DNAH17: variants seen among roughly 807,000 people sequenced by gnomAD.
The protein encoded by DNAH17 is axonemal beta dynein heavy chain 17.
A neutral mutation model predicts 485.6 loss-of-function variants in DNAH17; 376 were observed. The ratio of observed to expected loss-of-function variants is 0.77; its 90% confidence interval spans 0.71 to 0.84. DNAH17 has a LOEUF of 0.84. Among genes scored for constraint, DNAH17 ranks in the 40% least tolerant of loss-of-function variants. The pLI is 0.00. For missense variants in DNAH17, 6,370 were observed against 5,839.3 expected, an observed-to-expected ratio of 1.09 and a Z score of -2.96; for synonymous variants, 3,031 against 2,405.9, an observed-to-expected ratio of 1.26 and a Z score of -7.60.
At chr17:78,454,023 G>A in intron 64 of DNAH17, among the ~76,000 whole-genome samples, 1 of 152,148 alleles carries the variant, frequency 6.6e-6, no homozygotes, top group Non-Finnish European at 1.5e-5. Flanking sequence ...GCAGCTTTGA[G>A]TAGCTTTATG....
chr17:78,525,209 T>C lies in DNAH17; in HGVS notation c.3712-48A>G, dbSNP rs62075877. On this transcript the variant is annotated intron_variant, in intron 24 of 80. Transcript: ENST00000389840. Reference sequence around the variant, plus strand: ...CAGTAGGGCTACCTACCCTCAGCGGTGCCCCACCCCACTCCCCGACGTTCT... The same window carrying C: ...CAGTAGGGCTACCTACCCTCAGCGGCGCCCCACCCCACTCCCCGACGTTCT... The C allele has an allele frequency of 0.23, 370,847 of 1,586,942 alleles. 45,978 individuals are homozygous for C. Among genetic ancestry groups the C allele is most frequent in the Middle Eastern group, 0.29 (1,621 of 5,528 alleles).
At chr17:78,470,361 C>T (rs1021189406) in intron 54 of DNAH17, among the ~76,000 whole-genome samples, 4 of 150,350 alleles carry the variant, frequency 2.7e-5, no homozygotes, top group African/African-American at 9.7e-5. Flanking sequence ...AGCCACCGTG[C>T]CCAGCCGAAA....
chr17:78,492,835 A>G, intron 41 of DNAH17, 70 bp from the exon 42 acceptor site: 7 of 1,106,834 alleles, frequency 6.3e-6, no homozygotes, highest in Non-Finnish European at 8.9e-6. Context: ...TAGCCTCAGG[A>G]CCATGGGTGG....
rs186420030 is a variant in DNAH17, at chr17:78,530,435, G to C, written c.3192C>G (p.Cys1064Trp). The C allele has an allele frequency of 6.2e-7, 1 of 1,613,526 alleles. No homozygotes were observed. The highest frequency in any genetic ancestry group is 1.7e-5 in the Admixed American group (1 of 60,014). The change falls in exon 21 of 81, where the codon TGC (cysteine) becomes TGG (tryptophan). Residue 1064 changes from cysteine to tryptophan, a missense_variant. Coordinates refer to ENST00000389840, the MANE Select transcript of DNAH17 (RefSeq NM_173628.4). ...GGGCCTGCTTGAAGGGGCGGCAGTC[G>C]CACTGCAGCCAGCCGTGGAACACCT... is the stretch of plus-strand genomic sequence containing the variant. ...NTKVFHGWLQ[C>W]DCRPFKQALL...
chr17:78,524,849 C>T (rs1301647018), intron 25 of DNAH17, among the ~76,000 whole-genome samples, 160 bp downstream of exon 25: 1 of 152,154 alleles, frequency 6.6e-6, no homozygotes, highest in African/African-American at 2.4e-5. Flanking sequence ...AGGGACCCCA[C>T]CTCGCGATCT....
At chr17:78,501,905 A>G (rs914204681) in intron 33 of DNAH17, 32 bp from the exon 34 acceptor site, 2 of 1,612,644 alleles carry the variant, frequency 1.2e-6, no homozygotes, top group African/African-American at 2.7e-5. Flanking sequence ...ATGAGACACC[A>G]CGGGTGCCCA....
Position 78,526,918 on chromosome 17 carries a change from C to G in DNAH17, c.3586G>C (p.Glu1196Gln), listed in dbSNP as rs373729196. The G allele has an allele frequency of 6.3e-7, 1 of 1,584,778 alleles. No individual in the cohort carries two copies. Among genetic ancestry groups the G allele is most frequent in the East Asian group, 2.3e-5 (1 of 43,510 alleles). The stretch of plus-strand genomic sequence containing the variant: ...CATTTCCGCCGCAGGATGCTGACCT[C>G]GTTGGCCTGGAGTGGTGCCACGGTC... ...KLTVAPLQAN[E>Q]VSILRRKCQQ... Residue 1196 changes from glutamate to glutamine, a missense_variant, in exon 23 of 81, where the codon GAG (glutamate) becomes CAG (glutamine). Glu to Gln is a conservative substitution (Grantham distance 29). Transcript: ENST00000389840.
rs570185887 is a variant in DNAH17 at position 78,506,941 on chromosome 17, G to A, written c.4677-95C>T. On this transcript the variant is annotated intron_variant, in intron 29 of 80. Transcript: ENST00000389840. ...TCGGCGAAGGAAACTGATCATCCTG[G>A]AGATGCCTGGACTGCTGTTCACAGG... 4.6e-6 allele frequency: 7 copies of A among 1,530,182 alleles called. No individual in the cohort carries two copies. In the African/African-American group the frequency reaches 8.2e-5, roughly 18 times the overall value. 94.8% of individuals were successfully genotyped at this position (1,530,182 alleles called of 1,614,324 possible).
At chr17:78,463,987 G>A (rs552208349) in intron 56 of DNAH17, among the ~76,000 whole-genome samples, 15 of 152,300 alleles carry the variant, frequency 9.8e-5, no homozygotes, top group African/African-American at 3.4e-4. Context: ...GAGTTCCTGG[G>A]AGTGGCCAGT....
chr17:78,468,412 G>T (rs1047545917), intron 55 of DNAH17, among the ~76,000 whole-genome samples: 3 of 151,964 alleles, frequency 2.0e-5, no homozygotes, highest in African/African-American at 7.3e-5. Flanking sequence ...ATTTCTTTTG[G>T]CCCCAAGATA....
At chr17:78,472,194 G>A (rs1258810543) in intron 54 of DNAH17, among the ~76,000 whole-genome samples, 2 of 151,962 alleles carry the variant, frequency 1.3e-5, no homozygotes, top group African/African-American at 2.4e-5. Context: ...GGCAGGACAC[G>A]GAGCCGAGAT....
chr17:78,519,765 A>C (rs986405199), intron 25 of DNAH17, among the ~76,000 whole-genome samples: 1 of 152,206 alleles, frequency 6.6e-6, no homozygotes, highest in Non-Finnish European at 1.5e-5. Context: ...AAACAGACCA[A>C]CGTGAACAAG....
chr17:78,485,189 G>A lies in DNAH17; in HGVS notation c.7484-156C>T, dbSNP rs1050356141. ...TACCTGCCCTGGGAGTGGCCCTTGA[G>A]GGGGCACCGGGTACAGCCCCAGGAA... On this transcript the variant is annotated intron_variant, in intron 47 of 80. Transcript: ENST00000389840. The A allele has an allele frequency of 3.6e-5, 33 of 911,938 alleles. No individual in the cohort carries two copies. In the East Asian group the frequency reaches 8.6e-4, roughly 24 times the overall value. 56.5% of individuals were successfully genotyped at this position (911,938 alleles called of 1,614,324 possible). A position where few individuals can be genotyped will look rare whatever the true frequency, so the allele number is the denominator to read the frequency against.
intron 73 of DNAH17, among the ~76,000 whole-genome samples, chr17:78,438,369 G>C (rs1037337001): frequency 7.5e-6 from 1 of 132,936 alleles, no homozygotes; most frequent in Non-Finnish European, 1.6e-5. Flanking sequence ...TGAACCAAAT[G>C]TGCAGAGAGC....
At chr17:78,526,093 C>G (rs934050290) in intron 24 of DNAH17, among the ~76,000 whole-genome samples, 5 of 152,220 alleles carry the variant, frequency 3.3e-5, no homozygotes, top group African/African-American at 1.2e-4. Context: ...ATGCTCCTGC[C>G]CACAAGGGCC....
At chr17:78,497,499 A>G (rs1190656593) in intron 37 of DNAH17, among the ~76,000 whole-genome samples, 1 of 152,190 alleles carries the variant, frequency 6.6e-6, no homozygotes, top group Non-Finnish European at 1.5e-5. Flanking sequence ...GTGAACATTC[A>G]GTGCCCAGAG....
At chr17:78,504,560 A>G (rs1568168831) in intron 31 of DNAH17, among the ~76,000 whole-genome samples, 1 of 147,250 alleles carries the variant, frequency 6.8e-6, no homozygotes, top group Non-Finnish European at 1.5e-5. Context: ...TTTTCTCGAG[A>G]TTTTTTTTTC....
rs150140377 is a variant in DNAH17, at chr17:78,558,770, C to G, written c.2032-516G>C. On this transcript the variant is annotated intron_variant, in intron 13 of 80. Transcript: ENST00000389840. ...TCGCTGGAATCTAACCTTCTGTTTT[C>G]TCTCTGCTTTCACCCGGTTATGACC... 2.7e-3 allele frequency among the ~76,000 whole-genome samples: 412 copies of G among 152,338 alleles called. 1 individual carries two copies. The highest frequency in any genetic ancestry group is 5.0e-3 in the Non-Finnish European group (342 of 68,028).
intron 13 of DNAH17, among the ~76,000 whole-genome samples, chr17:78,558,509 G>T (rs1221328261): frequency 6.6e-6 from 1 of 150,948 alleles, no homozygotes; most frequent in Non-Finnish European, 1.5e-5. Context: ...ACCCTCATGG[G>T]TGGATGACAT....
Sources: allele counts gnomAD v4.1 joint callset (sites outside exome capture counted in the v4.1 genomes callset), GRCh38; gene constraint gnomAD v4.1.1; transcripts MANE v1.5; gene names NCBI Gene and HGNC (gene_info 2026-07-23, HGNC 2026-07-21).